OR6N1: variants seen among roughly 807,000 people sequenced by gnomAD.
OR6N1 encodes olfactory receptor 6N1.
For missense variants in OR6N1, 394 were observed against 371.7 expected, an observed-to-expected ratio of 1.06 and a Z score of -0.49; for synonymous variants, 170 against 150.7, an observed-to-expected ratio of 1.13 and a Z score of -0.94.
upstream of OR6N1, chr1:158,776,557 T>A (rs1333719125): frequency 7.4e-6 from 4 of 543,504 alleles, no homozygotes; most frequent in Non-Finnish European, 1.3e-5. Context: ...GAGAAAATCA[T>A]AAAGAAATGA....
At chr1:158,830,352 T>C in the OR6N1 span, among the ~76,000 whole-genome samples, 2 of 152,196 alleles carry the variant, frequency 1.3e-5, no homozygotes, top group Non-Finnish European at 2.9e-5. Flanking sequence ...TTTAGACAGT[T>C]TCCAAATCCA....
the OR6N1 span, chr1:158,831,619 C>A: frequency 6.6e-6 from 1 of 152,118 alleles, no homozygotes; most frequent in African/African-American, 2.4e-5. Context: ...ACCACACCAT[C>A]TCAGTAGAGA....
At chr1:158,820,962 G>C in the OR6N1 span, among the ~76,000 whole-genome samples, 1 of 152,320 alleles carries the variant, frequency 6.6e-6, no homozygotes, top group East Asian at 1.9e-4. Context: ...GTCTGGCATA[G>C]AGAAGAAGTT....
chr1:158,794,507 G>A, the OR6N1 span, among the ~76,000 whole-genome samples: 1 of 152,122 alleles, frequency 6.6e-6, no homozygotes, highest in Non-Finnish European at 1.5e-5. Flanking sequence ...ACTCCACGCT[G>A]TTGCCAGGGA....
chr1:158,767,707 A>G (rs1657312795), intron 1 of OR6N1, among the ~76,000 whole-genome samples: 1 of 152,204 alleles, frequency 6.6e-6, no homozygotes, highest in Admixed American at 6.5e-5. Context: ...TAAACAAACA[A>G]AAAAGCAAGA....
At chr1:158,792,742 G>T in the OR6N1 span, among the ~76,000 whole-genome samples, 1 of 152,178 alleles carries the variant, frequency 6.6e-6, no homozygotes, top group East Asian at 1.9e-4. Context: ...GATTTCCACT[G>T]AGAAGCCTGC....
chr1:158,776,906 G>C (rs756999436), upstream of OR6N1: 2 of 1,614,120 alleles, frequency 1.2e-6, no homozygotes, highest in South Asian at 2.2e-5. Flanking sequence ...ACAGCAAGAT[G>C]TGAGGCACAG....
At chr1:158,821,494 G>A in the OR6N1 span, among the ~76,000 whole-genome samples, 1 of 151,986 alleles carries the variant, frequency 6.6e-6, no homozygotes, top group Admixed American at 6.6e-5. Context: ...CAACCCCATG[G>A]CAACCACTGA....
the OR6N1 span, among the ~76,000 whole-genome samples, chr1:158,829,577 A>T: frequency 0.064 from 9,816 of 152,260 alleles, 425 homozygotes; most frequent in Non-Finnish European, 0.094. Flanking sequence ...AAGCCATTCA[A>T]CAAGTCTCTA....
In OR6N1 at chr1:158,766,382, T is replaced by G; in HGVS notation, c.301A>C (p.Ile101Leu). ...GCTCCAAGGGAGTGAAAGAAATAGA[T>G]CTGCAGGAGACACCCAGAGAATGAA... is the stretch of plus-strand genomic sequence containing the variant. ...TISFSGCLLQ[I>L]YFFHSLGATE... Residue 101 changes from isoleucine (I) to leucine (L), a missense_variant, in exon 2 of 2, where the codon ATC (isoleucine) becomes CTC (leucine). Transcript: ENST00000641846. 1 of 1,613,968 alleles carries G rather than the reference T, an allele frequency of 6.2e-7. No individual in the cohort carries two copies. Among genetic ancestry groups the G allele is most frequent in the Non-Finnish European group, 8.5e-7 (1 of 1,179,992 alleles).
At chr1:158,836,793 T>C in the OR6N1 span, among the ~76,000 whole-genome samples, 3 of 151,832 alleles carry the variant, frequency 2.0e-5, no homozygotes, top group South Asian at 2.1e-4. Context: ...AAGTTCCTTA[T>C]GGTGTAAAGT....
chr1:158,777,717 T>A, the OR6N1 span: 4 of 826,218 alleles, frequency 4.8e-6, no homozygotes, highest in Non-Finnish European at 7.7e-6. Flanking sequence ...CATTTCTCTC[T>A]CTCTCTTTTT....
rs1657239613 is a variant in OR6N1 at position 158,765,848 on chromosome 1, A to C, written c.835T>G (p.Ser279Ala). The C allele has an allele frequency of 3.1e-6, 5 of 1,614,124 alleles. No individual in the cohort carries two copies. The highest frequency in any genetic ancestry group is 4.2e-6 in the Non-Finnish European group (5 of 1,179,994). Residue 279 changes from serine to alanine, a missense_variant, in exon 2 of 2, where the codon TCA (serine) becomes GCA (alanine). Transcript: ENST00000641846. ...GGGTTGAGGAAGGGTGTGAGCACTG[A>C]GTAGACCACTGCCAGGGCCTGGTCA... ...DYDQALAVVY[S>A]VLTPFLNPFI... is the part of the protein sequence containing the mutation.
chr1:158,777,241 TAGTGG>T, the OR6N1 span: 1 of 1,613,772 alleles, frequency 6.2e-7, no homozygotes, highest in Non-Finnish European at 8.5e-7. Context: ...AATTATAGGG[TAGTGG>T]AGGGGCCGAC....
chr1:158,799,763 T>G, the OR6N1 span, among the ~76,000 whole-genome samples: 1 of 152,088 alleles, frequency 6.6e-6, no homozygotes, highest in Non-Finnish European at 1.5e-5. Context: ...CAAACTTACT[T>G]CTGGAAAGGA....
chr1:158,809,820 A>C, the OR6N1 span, among the ~76,000 whole-genome samples: 1 of 152,194 alleles, frequency 6.6e-6, no homozygotes, highest in African/African-American at 2.4e-5. Context: ...ATATAAAAGA[A>C]ATGCAGAATC....
At chr1:158,838,897 GTTT>G in the OR6N1 span, among the ~76,000 whole-genome samples, 10 of 152,168 alleles carry the variant, frequency 6.6e-5, no homozygotes, top group African/African-American at 2.4e-4. Context: ...CAGTCAATGT[GTTT>G]TTCAGCTTCA....
In OR6N1 at chr1:158,765,440, T is replaced by A. The variant is rs979926094; in HGVS notation, c.*304A>T. Reference sequence around the variant, plus strand: ...TTGAAAAATGCCTATAAACGTATAATAGGTAAGACACAGATTTTAAAAAAA... The same window carrying A: ...TTGAAAAATGCCTATAAACGTATAAAAGGTAAGACACAGATTTTAAAAAAA... On this transcript the variant is annotated 3_prime_UTR_variant, in exon 2 of 2. Coordinates refer to ENST00000641846, the MANE Select transcript of OR6N1 (RefSeq NM_001005185.2). 1 of 244,594 alleles carries A rather than the reference T, an allele frequency of 4.1e-6. No homozygotes were observed. Among genetic ancestry groups the A allele is most frequent in the Non-Finnish European group, 7.9e-6 (1 of 126,380 alleles). The allele number at this position is 244,594 out of a possible 1,614,324, so 15.2% of individuals were successfully genotyped here.
the OR6N1 span, among the ~76,000 whole-genome samples, chr1:158,823,929 A>T: frequency 6.6e-6 from 1 of 152,164 alleles, no homozygotes; most frequent in Admixed American, 6.5e-5. Context: ...AATTCATTTT[A>T]AGGAATTTCT....
Sources: allele counts gnomAD v4.1 joint callset (sites outside exome capture counted in the v4.1 genomes callset), GRCh38; gene constraint gnomAD v4.1.1; transcripts MANE v1.5; gene names NCBI Gene and HGNC (gene_info 2026-07-23, HGNC 2026-07-21).